CSMD1: variants seen among roughly 807,000 people sequenced by gnomAD.
The protein encoded by CSMD1 is CUB and sushi domain-containing protein 1.
A neutral mutation model predicts 417.5 loss-of-function variants in CSMD1; 213 were observed. The ratio of observed to expected loss-of-function variants is 0.51; its 90% CI spans 0.46 to 0.57. The LOEUF is 0.57. Ranked by LOEUF, CSMD1 falls within the 20% of genes least tolerant of loss-of-function variation. The probability of loss-of-function intolerance (pLI) is 0.00; values close to 1 mark genes in which losing one functional copy is unlikely to be tolerated. For synonymous variants in CSMD1, 2,862 were observed against 1,736.8 expected (o/e 1.65, Z -16.11); for missense variants, 6,923 against 4,529.7 (o/e 1.53, Z -15.17).
Position 4,041,244 on chromosome 8 carries a change from C to T in CSMD1, c.416-9145G>A, listed in dbSNP as rs187641321. On this transcript the variant is annotated intron_variant, in intron 3 of 69. Transcript: ENST00000635120. ...GTGTTAGCCAGGATGGTCACGATCT[C>T]CTGACCTCGTGATCCGCCCGCCTCG... is the stretch of plus-strand genomic sequence containing the variant. Among the ~76,000 whole-genome samples, 991 of 152,046 alleles carry T rather than the reference C, an allele frequency of 6.5e-3. 15 individuals carry two copies. Among genetic ancestry groups the T allele is most frequent in the African/African-American group, 0.023 (934 of 41,450 alleles).
At chr8:4,640,367 A>G (rs1031980417) in intron 1 of CSMD1, among the ~76,000 whole-genome samples, 1 of 152,242 alleles carries the variant, frequency 6.6e-6, no homozygotes, top group Non-Finnish European at 1.5e-5. Context: ...TCTGCAACTT[A>G]ATACTGCATC....
At chr8:3,566,014 G>C (rs148374198) in intron 10 of CSMD1, among the ~76,000 whole-genome samples, 6 of 152,132 alleles carry the variant, frequency 3.9e-5, no homozygotes, top group South Asian at 2.1e-4. Context: ...CATTTCCTTT[G>C]AGAATAAAAC....
chr8:3,069,998 C>T (rs1191762869), intron 49 of CSMD1, among the ~76,000 whole-genome samples: 1 of 152,212 alleles, frequency 6.6e-6, no homozygotes, highest in African/African-American at 2.4e-5. Flanking sequence ...GGCTTGCACC[C>T]TTCGGAACGG....
At chr8:4,883,905 C>T (rs141278216) in intron 1 of CSMD1, among the ~76,000 whole-genome samples, 19 of 151,912 alleles carry the variant, frequency 1.3e-4, no homozygotes, top group Non-Finnish European at 2.2e-4. Flanking sequence ...TGAGGAACTG[C>T]CAGACTGTTT....
intron 2 of CSMD1, among the ~76,000 whole-genome samples, chr8:4,443,950 T>G (rs73660826): frequency 1.7e-4 from 26 of 152,148 alleles, no homozygotes; most frequent in African/African-American, 6.3e-4. Context: ...TATATTCGTG[T>G]GTGATATAAT....
At chr8:3,354,466 A>C (rs1436922026) in intron 21 of CSMD1, among the ~76,000 whole-genome samples, 1 of 145,732 alleles carries the variant, frequency 6.9e-6, no homozygotes, top group Non-Finnish European at 1.5e-5. Flanking sequence ...ACAGAAACAG[A>C]AAGTCTACCT....
At chr8:3,571,987 A>T (rs1799963983) in intron 10 of CSMD1, among the ~76,000 whole-genome samples, 1 of 152,116 alleles carries the variant, frequency 6.6e-6, no homozygotes, top group African/African-American at 2.4e-5. Flanking sequence ...CAGCCTTCCT[A>T]AACGGTAGCC....
At chr8:3,632,914 G>C (rs1031606509) in intron 7 of CSMD1, among the ~76,000 whole-genome samples, 1 of 152,202 alleles carries the variant, frequency 6.6e-6, no homozygotes, top group Non-Finnish European at 1.5e-5. Context: ...AATGAAGCAA[G>C]GGGCTTCAAA....
At chr8:4,747,030 G>C (rs181203197) in intron 1 of CSMD1, among the ~76,000 whole-genome samples, 1 of 152,146 alleles carries the variant, frequency 6.6e-6, no homozygotes. Context: ...AAGCCACTGA[G>C]TAGGGAGGGC....
At chr8:2,976,964 A>T (rs960754729) in intron 55 of CSMD1, among the ~76,000 whole-genome samples, 1 of 152,082 alleles carries the variant, frequency 6.6e-6, no homozygotes, top group Non-Finnish European at 1.5e-5. Context: ...TGCCCAGAAG[A>T]ACACATCCAT....
chr8:4,101,393 C>T (rs906198479), intron 3 of CSMD1, among the ~76,000 whole-genome samples: 4 of 152,142 alleles, frequency 2.6e-5, no homozygotes, highest in Non-Finnish European at 4.4e-5. Flanking sequence ...AACGATCCCA[C>T]TCAGGTTGGT....
intron 49 of CSMD1, among the ~76,000 whole-genome samples, chr8:3,056,146 A>G (rs1281388374): frequency 6.6e-6 from 1 of 152,248 alleles, no homozygotes; most frequent in Non-Finnish European, 1.5e-5. Flanking sequence ...TACTTATTAA[A>G]GAGAGCAAAG....
chr8:4,425,972 C>G (rs1797527434), intron 2 of CSMD1, among the ~76,000 whole-genome samples: 1 of 151,590 alleles, frequency 6.6e-6, no homozygotes, highest in South Asian at 2.1e-4. Flanking sequence ...GAGAGGTAGA[C>G]ATAGCCCAAA....
intron 3 of CSMD1, among the ~76,000 whole-genome samples, chr8:4,375,379 G>C (rs1366183999): frequency 6.6e-6 from 1 of 152,070 alleles, no homozygotes; most frequent in Non-Finnish European, 1.5e-5. Context: ...ACTTTTGAGA[G>C]GAAAACAGGG....
chr8:4,248,965 A>G (rs936782190), intron 3 of CSMD1, among the ~76,000 whole-genome samples: 2 of 152,190 alleles, frequency 1.3e-5, no homozygotes, highest in African/African-American at 4.8e-5. Context: ...GCTACTTTTA[A>G]TATCATAATT....
intron 10 of CSMD1, among the ~76,000 whole-genome samples, chr8:3,535,524 A>G (rs1279175635): frequency 6.6e-6 from 1 of 152,176 alleles, no homozygotes; most frequent in Non-Finnish European, 1.5e-5. Context: ...TGTGACCTGT[A>G]AGACCACGGA....
At chr8:4,181,263 C>G (rs1004503885) in intron 3 of CSMD1, among the ~76,000 whole-genome samples, 3 of 152,120 alleles carry the variant, frequency 2.0e-5, no homozygotes, top group African/African-American at 7.2e-5. Context: ...TGAACGTGCC[C>G]AATCTCATCT....
At chr8:4,769,826 ATGT>A (rs1178249881) in intron 1 of CSMD1, among the ~76,000 whole-genome samples, 1 of 152,156 alleles carries the variant, frequency 6.6e-6, no homozygotes, top group Admixed American at 6.5e-5. Flanking sequence ...TAAAAAGCTT[ATGT>A]TGTTGTTATT....
chr8:3,187,749 A>G, intron 36 of CSMD1, 120 bp downstream of exon 36: 1 of 707,500 alleles, frequency 1.4e-6, no homozygotes, highest in South Asian at 1.7e-5. Context: ...AGCAACCATT[A>G]TGGAGATAGA....
Sources: gnomAD v4.1 joint callset for allele counts (sites outside exome capture counted in the v4.1 genomes callset) on GRCh38, gnomAD v4.1.1 for gene constraint, MANE v1.5 for transcripts, NCBI Gene and HGNC (gene_info 2026-07-23, HGNC 2026-07-21) for gene names.